Variants in PLCE1 observed in about 807,000 individuals in gnomAD.
PLCE1 encodes 1-phosphatidylinositol 4,5-bisphosphate phosphodiesterase epsilon-1.
Under a neutral mutation model 242.8 loss-of-function variants are expected in PLCE1, and 119 were observed. The observed-to-expected ratio is 0.49, with a 90% CI of 0.42 to 0.57. The LOEUF is 0.57. Among genes scored for constraint, PLCE1 ranks in the 20% least tolerant of loss-of-function variants. The pLI, the probability that PLCE1 is intolerant of heterozygous loss-of-function variation, is 0.00. For synonymous variants in PLCE1, 945 were observed against 1,017.4 expected (o/e 0.93, Z 1.35); for missense variants, 2,441 against 2,788.8 (o/e 0.88, Z 2.81).
chr10:94,168,974 G>A (rs1196975395), intron 3 of PLCE1, among the ~76,000 whole-genome samples: 4 of 152,018 alleles, frequency 2.6e-5, no homozygotes, highest in African/African-American at 9.7e-5. Flanking sequence ...GGCCATCTAG[G>A]GTAGATTTAA....
intron 23 of PLCE1, among the ~76,000 whole-genome samples, chr10:94,295,396 C>G (rs982680468): frequency 6.6e-6 from 1 of 152,184 alleles, no homozygotes; most frequent in Non-Finnish European, 1.5e-5. Flanking sequence ...GAAGCAACTC[C>G]TCATCCATTC....
intron 22 of PLCE1, among the ~76,000 whole-genome samples, chr10:94,289,898 C>T (rs926699960): frequency 6.6e-6 from 1 of 152,086 alleles, no homozygotes; most frequent in African/African-American, 2.4e-5. Flanking sequence ...ATAAATTAAC[C>T]TTAGCTTACT....
chr10:94,085,282 T>A (rs1049320932), intron 2 of PLCE1, among the ~76,000 whole-genome samples: 2 of 152,176 alleles, frequency 1.3e-5, no homozygotes, highest in African/African-American at 4.8e-5. Flanking sequence ...GGTACTGGCT[T>A]GTTTATGTGG....
At chr10:94,297,984 T>C (rs1564873613) in intron 23 of PLCE1, among the ~76,000 whole-genome samples, 1 of 152,218 alleles carries the variant, frequency 6.6e-6, no homozygotes, top group Non-Finnish European at 1.5e-5. Context: ...GCTTTTAATT[T>C]AAATTGATGT....
At chr10:94,220,374 TTTTATATATATA>T (rs1417913215) in intron 4 of PLCE1, among the ~76,000 whole-genome samples, 20 of 38,416 alleles carry the variant, frequency 5.2e-4, no homozygotes, top group African/African-American at 1.5e-3. Flanking sequence ...AAACTAAACA[TTTTATATATATA>T]TATATATATA....
intron 22 of PLCE1, among the ~76,000 whole-genome samples, chr10:94,292,206 C>T (rs1220290249): frequency 6.6e-6 from 1 of 152,138 alleles, no homozygotes; most frequent in Non-Finnish European, 1.5e-5. Flanking sequence ...ACCTTAGAAG[C>T]CCCACATTAA....
At chr10:94,225,545 C>T (rs2049910574) in intron 4 of PLCE1, among the ~76,000 whole-genome samples, 1 of 152,042 alleles carries the variant, frequency 6.6e-6, no homozygotes, top group Non-Finnish European at 1.5e-5. Flanking sequence ...GGTGGCAGGC[C>T]TTGTAATCCC....
intron 4 of PLCE1, among the ~76,000 whole-genome samples, chr10:94,211,204 C>T (rs1348072859): frequency 6.6e-6 from 1 of 152,212 alleles, no homozygotes; most frequent in African/African-American, 2.4e-5. Flanking sequence ...GGTTAGTGCT[C>T]TAGCAATTGC....
chr10:94,155,804 GAGAC>G, intron 3 of PLCE1: 1 of 151,952 alleles, frequency 6.6e-6, no homozygotes, highest in South Asian at 2.1e-4. Flanking sequence ...GAGAGAGAGA[GAGAC>G]AGGGTCTCAC....
chr10:94,276,330 C>T (rs2051952509), intron 19 of PLCE1, among the ~76,000 whole-genome samples: 1 of 152,202 alleles, frequency 6.6e-6, no homozygotes, highest in African/African-American at 2.4e-5. Context: ...GGCCACCCAG[C>T]TCATAGCAAT....
At chr10:94,041,261 A>G (rs916254600) in intron 2 of PLCE1, among the ~76,000 whole-genome samples, 2 of 152,038 alleles carry the variant, frequency 1.3e-5, no homozygotes, top group African/African-American at 2.4e-5. Context: ...GTTTCCACCC[A>G]CTTCTGCTGT....
chr10:94,042,624 G>A (rs2061790662), intron 2 of PLCE1, among the ~76,000 whole-genome samples: 1 of 152,168 alleles, frequency 6.6e-6, no homozygotes, highest in African/African-American at 2.4e-5. Flanking sequence ...TGAACTGGGT[G>A]TGACTTTTGG....
rs1288994593 is a variant in PLCE1, at chr10:94,328,036, T to G, written c.*93T>G. On this transcript the variant is annotated 3_prime_UTR_variant, in exon 33 of 33. Coordinates refer to ENST00000371380, the MANE Select transcript of PLCE1 (RefSeq NM_016341.4). ...AAAAATATAATTATTTTCATCAGAC[T>G]TAAACTGGAAATTGATGATTTCTGA... is the stretch of plus-strand genomic sequence containing the variant. 1 of 519,482 alleles carries G rather than the reference T, an allele frequency of 1.9e-6. No homozygotes were observed. The highest frequency in any genetic ancestry group is 2.0e-5 in the Admixed American group (1 of 49,600). 32.2% of individuals were successfully genotyped at this position (519,482 alleles called of 1,614,324 possible). A position where few individuals can be genotyped will look rare whatever the true frequency, so the allele number is the denominator to read the frequency against.
intron 2 of PLCE1, chr10:94,120,735 GAT>G (rs2046275511): frequency 6.6e-6 from 1 of 152,186 alleles, no homozygotes; most frequent in Non-Finnish European, 1.5e-5. Flanking sequence ...AAAGGATCAA[GAT>G]CAAAAGGCAG....
chr10:94,169,666 A>G (rs1012056271), intron 3 of PLCE1, among the ~76,000 whole-genome samples: 23 of 152,232 alleles, frequency 1.5e-4, no homozygotes, highest in Admixed American at 1.5e-3. Flanking sequence ...TGAGTTGTTT[A>G]GGAAAAAATA....
At chr10:94,191,862 G>T (rs1374473286) in intron 4 of PLCE1, among the ~76,000 whole-genome samples, 1 of 152,196 alleles carries the variant, frequency 6.6e-6, no homozygotes, top group Non-Finnish European at 1.5e-5. Flanking sequence ...TATAACTGGA[G>T]AAATTTCACA....
chr10:94,152,681 T>C (rs1181793428), intron 3 of PLCE1, among the ~76,000 whole-genome samples: 2 of 152,216 alleles, frequency 1.3e-5, no homozygotes, highest in African/African-American at 4.8e-5. Flanking sequence ...TAGAACTGAA[T>C]AAGATACCTA....
At chr10:94,261,123 G>C (rs771322114) in intron 13 of PLCE1, among the ~76,000 whole-genome samples, 3 of 152,112 alleles carry the variant, frequency 2.0e-5, no homozygotes, top group Non-Finnish European at 2.9e-5. Context: ...TGCCCTGAAA[G>C]TTCCTTATGC....
intron 5 of PLCE1, among the ~76,000 whole-genome samples, chr10:94,232,066 A>G (rs1350440871): frequency 6.6e-6 from 1 of 152,252 alleles, no homozygotes; most frequent in Non-Finnish European, 1.5e-5. Flanking sequence ...GAAAAGTATT[A>G]AGAATTTTAA....
Sources: gnomAD v4.1 joint callset for allele counts (sites outside exome capture counted in the v4.1 genomes callset) on GRCh38, gnomAD v4.1.1 for gene constraint, MANE v1.5 for transcripts, NCBI Gene and HGNC (gene_info 2026-07-23, HGNC 2026-07-21) for gene names.